The following AKR1C8 variants were observed in gnomAD, a reference collection of about 807,000 sequenced individuals.
The protein encoded by AKR1C8 is aldo-keto reductase family 1 member C-like protein 1.
At chr10:5,156,525 G>GATGT in the AKR1C8 span, among the ~76,000 whole-genome samples, 4 of 140,934 alleles carry the variant, frequency 2.8e-5, no homozygotes, top group African/African-American at 9.9e-5. Context: ...GAAAGACTCA[G>GATGT]ATCTATCTAT....
the AKR1C8 span, among the ~76,000 whole-genome samples, chr10:5,140,737 G>T: frequency 7.2e-6 from 1 of 138,236 alleles, no homozygotes; most frequent in East Asian, 1.9e-4. Flanking sequence ...CATGGCACAT[G>T]TACATATATG....
At chr10:5,148,159 T>C in the AKR1C8 span, among the ~76,000 whole-genome samples, 2 of 152,100 alleles carry the variant, frequency 1.3e-5, no homozygotes, top group Non-Finnish European at 2.9e-5. Flanking sequence ...GTATACAATC[T>C]GGCTGAATGA....
the AKR1C8 span, among the ~76,000 whole-genome samples, chr10:5,174,309 TA>T: frequency 0.97 from 145,651 of 150,050 alleles, 70,816 homozygotes; most frequent in Non-Finnish European, 1. Flanking sequence ...TTAATTAACC[TA>T]AAAAAAAAAC....
At chr10:5,176,457 G>A in the AKR1C8 span, among the ~76,000 whole-genome samples, 1 of 149,808 alleles carries the variant, frequency 6.7e-6, no homozygotes, top group South Asian at 2.1e-4. Context: ...ACTTGTTGAT[G>A]CAGGCTCTTT....
chr10:5,175,989 C>G, the AKR1C8 span, among the ~76,000 whole-genome samples: 1 of 151,864 alleles, frequency 6.6e-6, no homozygotes, highest in Admixed American at 6.6e-5. Context: ...TAATTAGATC[C>G]CATTTGTCAA....
At chr10:5,146,255 C>T in the AKR1C8 span, among the ~76,000 whole-genome samples, 3 of 150,822 alleles carry the variant, frequency 2.0e-5, no homozygotes, top group Non-Finnish European at 4.4e-5. Context: ...TGCTAGATGA[C>T]GAGTTAGTGG....
chr10:5,168,241 C>A, the AKR1C8 span, among the ~76,000 whole-genome samples: 1 of 151,884 alleles, frequency 6.6e-6, no homozygotes, highest in Non-Finnish European at 1.5e-5. Context: ...TAAAATTGAC[C>A]CTACCCTCTT....
the AKR1C8 span, among the ~76,000 whole-genome samples, chr10:5,151,686 A>G: frequency 6.6e-6 from 1 of 151,312 alleles, no homozygotes. Flanking sequence ...CCTCCTAAGT[A>G]GCTGGGATTA....
chr10:5,132,653 G>T, the AKR1C8 span: 2 of 1,591,018 alleles, frequency 1.3e-6, no homozygotes, highest in Non-Finnish European at 1.7e-6. Flanking sequence ...CTGCAATCTT[G>T]CTTCAGATGG....
chr10:5,178,550 T>G, the AKR1C8 span, among the ~76,000 whole-genome samples: 1 of 152,184 alleles, frequency 6.6e-6, no homozygotes. Flanking sequence ...ACTTTCTGTC[T>G]CATTGATCTG....
the AKR1C8 span, among the ~76,000 whole-genome samples, chr10:5,150,940 G>A: frequency 6.6e-6 from 1 of 152,290 alleles, no homozygotes; most frequent in East Asian, 1.9e-4. Flanking sequence ...GAAGAACAGA[G>A]TTTTATTACT....
At chr10:5,179,819 C>G in the AKR1C8 span, among the ~76,000 whole-genome samples, 911 of 152,328 alleles carry the variant, frequency 6.0e-3, 5 homozygotes, top group African/African-American at 0.021. Flanking sequence ...TGGCTTTCAG[C>G]TCCTTCAGCT....
the AKR1C8 span, among the ~76,000 whole-genome samples, chr10:5,122,384 A>C: frequency 6.6e-6 from 1 of 152,310 alleles, no homozygotes; most frequent in Middle Eastern, 3.4e-3. Context: ...TTCTCAAAAG[A>C]AAGATGTGCA....
chr10:5,128,314 C>T, the AKR1C8 span, among the ~76,000 whole-genome samples: 5 of 152,078 alleles, frequency 3.3e-5, no homozygotes, highest in Non-Finnish European at 4.4e-5. Context: ...CTGTTATACA[C>T]CACAATGGAA....
chr10:5,151,184 T>C, the AKR1C8 span, among the ~76,000 whole-genome samples: 1 of 152,112 alleles, frequency 6.6e-6, no homozygotes, highest in African/African-American at 2.4e-5. Flanking sequence ...GTCTGCAAAA[T>C]ATCTCAAGCA....
chr10:5,138,959 A>T, the AKR1C8 span, among the ~76,000 whole-genome samples: 1 of 152,208 alleles, frequency 6.6e-6, no homozygotes, highest in South Asian at 2.1e-4. Flanking sequence ...ACTTCAGCAA[A>T]GTCTCAGGAT....
the AKR1C8 span, among the ~76,000 whole-genome samples, chr10:5,124,951 G>T: frequency 5.3e-5 from 8 of 151,318 alleles, no homozygotes; most frequent in African/African-American, 1.9e-4. Context: ...AAGCATTCAA[G>T]TATAACTTCT....
chr10:5,179,874 T>C, the AKR1C8 span, among the ~76,000 whole-genome samples: 3 of 152,210 alleles, frequency 2.0e-5, no homozygotes, highest in Non-Finnish European at 4.4e-5. Flanking sequence ...TATACATTCA[T>C]CTAAATTTTT....
the AKR1C8 span, chr10:5,123,514 G>A: frequency 1.8e-6 from 1 of 559,540 alleles, no homozygotes; most frequent in Non-Finnish European, 3.2e-6. Context: ...AACAGACTAA[G>A]GTGTTCATTC....
Sources: gnomAD v4.1 joint callset for allele counts (sites outside exome capture counted in the v4.1 genomes callset) on GRCh38, gnomAD v4.1.1 for gene constraint, MANE v1.5 for transcripts, NCBI Gene and HGNC (gene_info 2026-07-23, HGNC 2026-07-21) for gene names.